The following RGS7 variants were observed in gnomAD, a reference collection of about 807,000 sequenced individuals.
RGS7 encodes regulator of G protein signaling 7.
Under a neutral mutation model 81.1 loss-of-function variants are expected in RGS7, and 27 were observed. The observed-to-expected ratio is 0.33, with a 90% CI of 0.25 to 0.46. The LOEUF (loss-of-function observed/expected upper bound fraction) is 0.46, where lower values mean the gene tolerates loss of function less well. Ranked by LOEUF, RGS7 falls within the 20% of genes least tolerant of loss-of-function variation. The probability of loss-of-function intolerance (pLI) is 1.00; values close to 1 mark genes in which losing one functional copy is unlikely to be tolerated. For missense variants in RGS7, 396 were observed against 607.4 expected, an observed-to-expected ratio of 0.65 and a Z score of 3.66; for synonymous variants, 208 against 207.7, an observed-to-expected ratio of 1.00 and a Z score of -0.01.
chr1:240,868,624 C>T lies in RGS7; in HGVS notation c.572G>A (p.Ser191Asn). The change falls in exon 9 of 19, where the codon AGC (serine) becomes AAC (asparagine). Residue 191 changes from serine to asparagine, a missense_variant. Ser to Asn is a conservative substitution (Grantham distance 46). Transcript: ENST00000440928. The surrounding 1 kb of genome is among the most constrained non-coding windows in gnomAD (Gnocchi z 5.1). ...CACGTCCCAGAACGCTCTCTCTTGG[C>T]TGTCAAGGATCTTCCTTTCAATCTT... ...RDKIERKILD[S>N]QERAFWDVHR... The T allele has an allele frequency of 6.2e-7, 1 of 1,614,172 alleles. No individual in the cohort carries two copies. The highest frequency in any genetic ancestry group is 8.5e-7 in the Non-Finnish European group (1 of 1,180,038).
intron 2 of RGS7, among the ~76,000 whole-genome samples, chr1:241,331,741 G>A (rs533061594): frequency 3.3e-5 from 5 of 152,298 alleles, no homozygotes; most frequent in African/African-American, 1.2e-4. Context: ...ATTTGACCAG[G>A]AATGTTTCAG....
intron 3 of RGS7, among the ~76,000 whole-genome samples, chr1:241,079,608 C>G (rs1288119130): frequency 6.6e-6 from 1 of 152,030 alleles, no homozygotes; most frequent in Non-Finnish European, 1.5e-5. Flanking sequence ...ATTTGGAGCT[C>G]TTCTACTTAT....
chr1:241,157,393 C>T (rs183659805), intron 2 of RGS7, among the ~76,000 whole-genome samples: 4 of 152,280 alleles, frequency 2.6e-5, no homozygotes, highest in Non-Finnish European at 2.9e-5. Context: ...AAGGGGTCCC[C>T]CTACATAGGC....
At chr1:241,032,892 G>A (rs2060146610) in intron 3 of RGS7, among the ~76,000 whole-genome samples, 1 of 152,084 alleles carries the variant, frequency 6.6e-6, no homozygotes, top group Non-Finnish European at 1.5e-5. Context: ...GAGTCTTTAG[G>A]ATTTTATAGG....
At chr1:241,241,864 A>G (rs1425932268) in intron 2 of RGS7, among the ~76,000 whole-genome samples, 1 of 152,122 alleles carries the variant, frequency 6.6e-6, no homozygotes. Flanking sequence ...TACAAGTAAT[A>G]CTGTGTTCGC....
chr1:241,353,125 T>C (rs545717375), intron 2 of RGS7, among the ~76,000 whole-genome samples: 2 of 152,348 alleles, frequency 1.3e-5, no homozygotes, highest in South Asian at 4.1e-4. Context: ...CAATGTCCTA[T>C]TGGAACTGAA....
chr1:241,024,502 G>A lies in RGS7; in HGVS notation c.176-41373C>T, dbSNP rs527361936. ...AGCACAAACATCTTTGAAGGATGAT[G>A]AGCTAGTATACCAGTGACATTCTGG... On this transcript the variant is annotated intron_variant, in intron 3 of 18. Transcript: ENST00000440928. 4.6e-5 allele frequency among the ~76,000 whole-genome samples: 7 copies of A among 152,278 alleles called. No homozygotes were observed. The South Asian group carries it at 1.2e-3, about 27-fold the overall frequency.
At chr1:241,081,631 T>C (rs148922327) in intron 3 of RGS7, among the ~76,000 whole-genome samples, 1 of 152,364 alleles carries the variant, frequency 6.6e-6, no homozygotes, top group Admixed American at 6.5e-5. Flanking sequence ...GCCTGCACAA[T>C]GAATGGATCA....
chr1:240,868,451 TTTC>T lies in RGS7; in HGVS notation c.609+133_609+135del. 1.3e-6 allele frequency: 1 copy of T among 767,668 alleles called. No individual in the cohort carries two copies. The highest frequency in any genetic ancestry group is 2.3e-6 in the Non-Finnish European group (1 of 433,074). 47.6% of individuals were successfully genotyped at this position (767,668 alleles called of 1,614,324 possible). On this transcript the variant is annotated intron_variant, in intron 9 of 18. Transcript: ENST00000440928. The surrounding 1 kb of genome is among the most constrained non-coding windows in gnomAD (Gnocchi z 5.1). ...TCATCCTACACAAAAGTGGTGATCT[TTTC>T]TTAATGAATTCACCAAGATACCATG...
chr1:241,249,073 T>C (rs577689348), intron 2 of RGS7, among the ~76,000 whole-genome samples: 1 of 152,340 alleles, frequency 6.6e-6, no homozygotes, highest in East Asian at 1.9e-4. Context: ...TCTTGTCTTT[T>C]CATCCTCTTC....
chr1:241,081,528 T>C (rs549817735), intron 3 of RGS7, among the ~76,000 whole-genome samples: 147 of 152,324 alleles, frequency 9.7e-4, no homozygotes, highest in African/African-American at 3.5e-3. Flanking sequence ...AAACACTAAA[T>C]AAAGTACATC....
chr1:240,865,849 A>G (rs2148006932), intron 9 of RGS7, among the ~76,000 whole-genome samples: 1 of 152,318 alleles, frequency 6.6e-6, no homozygotes, highest in South Asian at 2.1e-4. Context: ...GCCAGCAAAT[A>G]GAGATAGAGC....
At chr1:241,216,753 A>ATT (rs2074582360) in intron 2 of RGS7, among the ~76,000 whole-genome samples, 1 of 152,230 alleles carries the variant, frequency 6.6e-6, no homozygotes, top group African/African-American at 2.4e-5. Context: ...GAATGAAATA[A>ATT]TTGGTAAGAT....
chr1:240,889,365 A>G (rs1467198052), intron 6 of RGS7, among the ~76,000 whole-genome samples: 1 of 152,172 alleles, frequency 6.6e-6, no homozygotes, highest in Non-Finnish European at 1.5e-5. Context: ...CCTGAGCAGA[A>G]AATAAGCAGG....
chr1:240,900,856 T>C (rs568251576), intron 6 of RGS7, among the ~76,000 whole-genome samples: 2 of 152,342 alleles, frequency 1.3e-5, no homozygotes, highest in African/African-American at 4.8e-5. Flanking sequence ...CAGAAGTTTC[T>C]GCTGCCTTTT....
intron 6 of RGS7, among the ~76,000 whole-genome samples, chr1:240,885,444 T>G (rs1242616848): frequency 6.6e-6 from 1 of 151,948 alleles, no homozygotes; most frequent in South Asian, 2.1e-4. Context: ...TAAAGACACA[T>G]GCCAATGTTC....
At chr1:240,810,310 C>A (rs553577994) in intron 14 of RGS7, among the ~76,000 whole-genome samples, 58 of 152,234 alleles carry the variant, frequency 3.8e-4, no homozygotes, top group African/African-American at 1.3e-3. Flanking sequence ...AGGCTTATTA[C>A]TTATTTATTT....
At chr1:240,929,376 A>T (rs1675013392) in intron 6 of RGS7, among the ~76,000 whole-genome samples, 1 of 152,204 alleles carries the variant, frequency 6.6e-6, no homozygotes, top group Admixed American at 6.5e-5. Flanking sequence ...CAAGGACCTC[A>T]GTTTTGAGGA....
At position 241,076,060 on chromosome 1, in the gene RGS7, C is replaced by T. The variant is rs571390484; in HGVS notation, c.175+22606G>A. ...TCCAACTTGCGATGGCTTAACACTCCAGGCCTCCCTAAGATGGCACTGAAC... is the reference window on the plus strand; with the variant it reads ...TCCAACTTGCGATGGCTTAACACTCTAGGCCTCCCTAAGATGGCACTGAAC... On this transcript the variant is annotated intron_variant, in intron 3 of 18. Coordinates refer to ENST00000440928, the MANE Select transcript of RGS7 (RefSeq NM_001364886.1). 4.6e-5 allele frequency among the ~76,000 whole-genome samples: 7 copies of T among 152,286 alleles called. No individual in the cohort carries two copies. In the Middle Eastern group the frequency reaches 0.01, roughly 224 times the overall value.
Sources: allele counts gnomAD v4.1 joint callset (sites outside exome capture counted in the v4.1 genomes callset), GRCh38; gene constraint gnomAD v4.1.1; non-coding constraint Gnocchi (gnomAD v3.1); transcripts MANE v1.5; gene names NCBI Gene and HGNC (gene_info 2026-07-23, HGNC 2026-07-21).